The following MTRES1 variants were observed in gnomAD, a reference collection of about 807,000 sequenced individuals.
MTRES1 encodes mitochondrial transcription rescue factor 1, also known as uncharacterized protein C6orf203.
A neutral mutation model predicts 17.4 loss-of-function variants in MTRES1; 11 were observed. The observed-to-expected ratio is 0.63, with a 90% CI of 0.40 to 1.05. The LOEUF is 1.05. Ranked by LOEUF, MTRES1 falls within the 50% of genes least tolerant of loss-of-function variation. The pLI is 0.00. For synonymous variants in MTRES1, 94 were observed against 99.6 expected (o/e 0.94, Z 0.34); for missense variants, 268 against 276.2 (o/e 0.97, Z 0.21).
chr6:107,044,761 C>T lies in MTRES1; in HGVS notation c.543+429C>T, dbSNP rs146554111. Among the ~76,000 whole-genome samples the T allele has an allele frequency of 4.2e-3, 635 of 152,270 alleles. 8 individuals carry two copies. Among genetic ancestry groups the T allele is most frequent in the African/African-American group, 0.014 (596 of 41,548 alleles). On this transcript the variant is annotated intron_variant, in intron 3 of 3. Transcript: ENST00000311381. ...ACCCAGTGAGTGCTTGCTGGATGCA[C>T]GGCTTTGTGTGCAGAGCAGTTATAG... is the stretch of plus-strand genomic sequence containing the variant.
At chr6:107,028,369 C>G (rs570019290) in intron 1 of MTRES1, 98 bp downstream of exon 1, 1 of 152,356 alleles carries the variant, frequency 6.6e-6, no homozygotes, top group Non-Finnish European at 1.5e-5. Context: ...CGGGTCTCCC[C>G]GTGAGTGTCC....
rs782488700 is a variant in MTRES1 at position 107,040,231 on chromosome 6, G to A, written c.470+1G>A. The A allele has an allele frequency of 1.9e-6, 3 of 1,582,994 alleles. No homozygotes were observed. Among genetic ancestry groups the A allele is most frequent in the Non-Finnish European group, 2.6e-6 (3 of 1,169,982 alleles). Reference sequence around the variant, plus strand: ...AGACGGGGCTAGATATTGGGAGAAAGTGAGTATGATACGCATTTCATTATA... The same window carrying A: ...AGACGGGGCTAGATATTGGGAGAAAATGAGTATGATACGCATTTCATTATA... On this transcript the variant is annotated splice_donor_variant, in intron 2 of 3. Transcript: ENST00000311381. LOFTEE classifies it high-confidence loss of function.
chr6:107,032,225 A>G (rs1214783832), intron 1 of MTRES1, among the ~76,000 whole-genome samples: 4 of 152,130 alleles, frequency 2.6e-5, no homozygotes, highest in African/African-American at 9.7e-5. Flanking sequence ...CCTCTCCTTT[A>G]CTATAGCCAC....
At chr6:107,046,282 G>A (rs1217883493) in intron 3 of MTRES1, among the ~76,000 whole-genome samples, 1 of 152,106 alleles carries the variant, frequency 6.6e-6, no homozygotes, top group Admixed American at 6.6e-5. Flanking sequence ...CCCTGTCTCT[G>A]TGCTGGGGCC....
chr6:107,037,853 G>A (rs1024831312), intron 1 of MTRES1, among the ~76,000 whole-genome samples: 3 of 151,902 alleles, frequency 2.0e-5, no homozygotes, highest in Non-Finnish European at 4.4e-5. Flanking sequence ...TGAGTAGCTG[G>A]GATTATAGGC....
At position 107,043,321 on chromosome 6, in the gene MTRES1, G is replaced by A. The variant is rs144111934; in HGVS notation, c.471-939G>A. Among the ~76,000 whole-genome samples the A allele has an allele frequency of 5.7e-3, 860 of 150,086 alleles. 14 individuals are homozygous for A. In the East Asian group the frequency reaches 0.062, roughly 11 times the overall value. ...CGCACTCCAGCCTGGGCAATGGAGC[G>A]AGACTCCATCTCAAAAAAAAAAAAA... On this transcript the variant is annotated intron_variant, in intron 2 of 3. Transcript: ENST00000311381.
chr6:107,040,271 C>T (rs562810843), intron 2 of MTRES1, 41 bp downstream of exon 2: 52 of 1,528,010 alleles, frequency 3.4e-5, no homozygotes, highest in South Asian at 1.9e-4. Context: ...CGCTCGTAGT[C>T]ATGTTATTTT....
Position 107,040,027 on chromosome 6 carries a change from G to C in MTRES1, c.267G>C (p.Arg89Ser). ...CCGTAAGACTCAAAAGTAATATAAG[G>C]TCTACAAAATCTACTAAAAAGTCTC... ...PFSVRLKSNI[R>S]STKSTKKSLQ... Residue 89 changes from arginine to serine, a missense_variant, in exon 2 of 4, where the codon AGG (arginine) becomes AGC (serine). Coordinates refer to ENST00000311381, the MANE Select transcript of MTRES1 (RefSeq NM_016487.5). 1 of 1,613,244 alleles carries C rather than the reference G, an allele frequency of 6.2e-7. No homozygotes were observed. Among genetic ancestry groups the C allele is most frequent in the Non-Finnish European group, 8.5e-7 (1 of 1,179,760 alleles).
Position 107,040,248 on chromosome 6 carries a change from T to C in MTRES1, c.470+18T>C. 6.4e-7 allele frequency: 1 copy of C among 1,563,492 alleles called. No homozygotes were observed. The highest frequency in any genetic ancestry group is 8.6e-7 in the Non-Finnish European group (1 of 1,160,704). ...GGGAGAAAGTGAGTATGATACGCATTTCATTATAAACTCGCTCGTAGTCAT... is the reference window on the plus strand; with the variant it reads ...GGGAGAAAGTGAGTATGATACGCATCTCATTATAAACTCGCTCGTAGTCAT... On this transcript the variant is annotated intron_variant, in intron 2 of 3. Coordinates refer to ENST00000311381, the MANE Select transcript of MTRES1 (RefSeq NM_016487.5).
At chr6:107,031,519 T>C (rs1554226430) in intron 1 of MTRES1, among the ~76,000 whole-genome samples, 1 of 147,816 alleles carries the variant, frequency 6.8e-6, no homozygotes, top group Non-Finnish European at 1.5e-5. Flanking sequence ...TTCGGCTCAC[T>C]GCAGCCTCCG....
intron 3 of MTRES1, among the ~76,000 whole-genome samples, chr6:107,049,798 C>T (rs1401643608): frequency 3.2e-4 from 49 of 151,162 alleles, no homozygotes; most frequent in Non-Finnish European, 5.7e-4. Flanking sequence ...CTTGGTTCAC[C>T]GCAACCTCTG....
At chr6:107,049,849 G>A in intron 3 of MTRES1, among the ~76,000 whole-genome samples, 1 of 151,230 alleles carries the variant, frequency 6.6e-6, no homozygotes, top group East Asian at 1.9e-4. Context: ...AGCCTCTCAA[G>A]TAGCTGGGAT....
intron 3 of MTRES1, among the ~76,000 whole-genome samples, chr6:107,046,047 G>A (rs1554228346): frequency 6.6e-6 from 1 of 152,164 alleles, no homozygotes; most frequent in Admixed American, 6.6e-5. Context: ...CCCCCAAGCT[G>A]TCTCAGCCCC....
intron 1 of MTRES1, among the ~76,000 whole-genome samples, chr6:107,029,717 CAA>C (rs1773769851): frequency 1.3e-5 from 2 of 149,892 alleles, no homozygotes; most frequent in African/African-American, 4.9e-5. Flanking sequence ...CTCCTGGCCT[CAA>C]GTGATCCGCC....
chr6:107,034,875 T>C (rs1205815968), intron 1 of MTRES1, among the ~76,000 whole-genome samples: 1 of 151,804 alleles, frequency 6.6e-6, no homozygotes, highest in Non-Finnish European at 1.5e-5. Context: ...TAATCCCAGC[T>C]ACTAGGGAGG....
In MTRES1 at chr6:107,051,144, GTGTT is replaced by G. The variant is rs1554229166; in HGVS notation, c.634_637del (p.Phe212LysfsTer19). The G allele has an allele frequency of 6.2e-7, 1 of 1,613,894 alleles. No individual in the cohort carries two copies. On this transcript the variant is annotated frameshift_variant, in exon 4 of 4. Transcript: ENST00000311381. LOFTEE classifies it low-confidence loss of function (END_TRUNC). ...AGTTATGCGGATTCTCTTGAAAAAA[GTGTT>G]TGAAGAGAAGACTGAAAGTGAAAAA...
In MTRES1 at chr6:107,040,250, C is replaced by A; in HGVS notation, c.470+20C>A. ...GAGAAAGTGAGTATGATACGCATTT[C>A]ATTATAAACTCGCTCGTAGTCATGT... On this transcript the variant is annotated intron_variant, in intron 2 of 3. Coordinates refer to ENST00000311381, the MANE Select transcript of MTRES1 (RefSeq NM_016487.5). 1 of 1,560,478 alleles carries A rather than the reference C, an allele frequency of 6.4e-7. No homozygotes were observed. Among genetic ancestry groups the A allele is most frequent in the Non-Finnish European group, 8.6e-7 (1 of 1,159,066 alleles).
At chr6:107,037,120 A>G (rs1215583518) in intron 1 of MTRES1, among the ~76,000 whole-genome samples, 9 of 152,016 alleles carry the variant, frequency 5.9e-5, no homozygotes, top group African/African-American at 2.2e-4. Flanking sequence ...TGTACTAATC[A>G]ATGAAATATA....
intron 1 of MTRES1, among the ~76,000 whole-genome samples, chr6:107,033,090 G>A (rs1330439915): frequency 1.3e-5 from 2 of 152,114 alleles, no homozygotes; most frequent in African/African-American, 4.8e-5. Context: ...TATAGTAATG[G>A]GCAGGATGCT....
Sources: allele counts gnomAD v4.1 joint callset (sites outside exome capture counted in the v4.1 genomes callset), GRCh38; gene constraint gnomAD v4.1.1; transcripts MANE v1.5; gene names NCBI Gene and HGNC (gene_info 2026-07-23, HGNC 2026-07-21).